Variants in WDPCP observed in about 807,000 individuals in gnomAD.
WDPCP encodes WD repeat-containing and planar cell polarity effector protein fritz homolog.
In WDPCP, 71 loss-of-function variants were observed where a neutral mutation model predicts 93.1. The ratio of observed to expected loss-of-function variants is 0.76; its 90% CI spans 0.63 to 0.93. The LOEUF is 0.93. Among genes scored for constraint, WDPCP ranks in the 40% least tolerant of loss-of-function variants. The pLI is 0.00. For synonymous variants in WDPCP, 315 were observed against 315.0 expected (o/e 1.00, Z 0.00); for missense variants, 844 against 887.4 (o/e 0.95, Z 0.62).
chr2:63,395,866 T>TA (rs1693685513), intron 10 of WDPCP, among the ~76,000 whole-genome samples: 1 of 152,134 alleles, frequency 6.6e-6, no homozygotes, highest in Non-Finnish European at 1.5e-5. Context: ...TAGCTGGGAT[T>TA]ACAGGTATGT....
At chr2:63,771,512 A>G (rs1670225994) in intron 2 of WDPCP, among the ~76,000 whole-genome samples, 1 of 152,028 alleles carries the variant, frequency 6.6e-6, no homozygotes. Flanking sequence ...AAGGGAATAA[A>G]CTAAAAGTGG....
At position 63,404,577 on chromosome 2, in the gene WDPCP, C is replaced by T. The variant is rs981187939; in HGVS notation, c.906G>A (p.Val302=). 6.2e-7 allele frequency: 1 copy of T among 1,613,950 alleles called. No homozygotes were observed. Among genetic ancestry groups the T allele is most frequent in the African/African-American group, 1.3e-5 (1 of 75,028 alleles). The stretch of plus-strand genomic sequence containing the variant: ...CTTTGTCTACACTTACGGAGTGCTC[C>T]ACTGTGAACACCTGATAAGGCTGTT... The part of the protein sequence containing the change: ...GTKQPYQVFT[V]EHSVSVDKEP... Residue 302 remains valine (V), a synonymous_variant, in exon 10 of 18, where the codon GTG becomes GTA. Transcript: ENST00000272321.
intron 13 of WDPCP, among the ~76,000 whole-genome samples, chr2:63,263,216 T>C (rs1401687516): frequency 6.6e-6 from 1 of 152,218 alleles, no homozygotes; most frequent in Non-Finnish European, 1.5e-5. Flanking sequence ...TTTTGATAGA[T>C]TTAGCCTAGG....
intron 2 of WDPCP, among the ~76,000 whole-genome samples, chr2:63,743,802 C>T (rs1210637872): frequency 2.6e-5 from 4 of 152,180 alleles, no homozygotes; most frequent in Non-Finnish European, 4.4e-5. Context: ...TTTATTGCAA[C>T]TTTAATAACA....
At chr2:63,467,955 T>A (rs1396100591) in intron 6 of WDPCP, among the ~76,000 whole-genome samples, 1 of 152,100 alleles carries the variant, frequency 6.6e-6, no homozygotes, top group Non-Finnish European at 1.5e-5. Context: ...TGTATGCCAC[T>A]CAGAACTCCT....
At chr2:63,369,093 A>G (rs1304113376) in intron 12 of WDPCP, 1 of 168,376 alleles carries the variant, frequency 5.9e-6, no homozygotes, top group Non-Finnish European at 1.3e-5. Flanking sequence ...TACATAGTAG[A>G]AAAAAAAAAA....
At chr2:63,192,581 G>T (rs1182812165) in intron 14 of WDPCP, among the ~76,000 whole-genome samples, 1 of 152,186 alleles carries the variant, frequency 6.6e-6, no homozygotes, top group Non-Finnish European at 1.5e-5. Context: ...AGGTTAATTG[G>T]CTTGCTCTAA....
chr2:63,791,569 A>C (rs1250150036), intron 2 of WDPCP, among the ~76,000 whole-genome samples: 1 of 152,172 alleles, frequency 6.6e-6, no homozygotes, highest in Non-Finnish European at 1.5e-5. Context: ...AGCACTGCTT[A>C]CTGCTTGAAT....
chr2:63,576,719 C>A (rs1296139826), intron 1 of WDPCP, among the ~76,000 whole-genome samples: 1 of 152,192 alleles, frequency 6.6e-6, no homozygotes, highest in Admixed American at 6.6e-5. Flanking sequence ...CAACCAGCCC[C>A]CCAATCCTGA....
At chr2:63,483,966 A>G (rs528030459) in intron 6 of WDPCP, among the ~76,000 whole-genome samples, 2 of 152,112 alleles carry the variant, frequency 1.3e-5, no homozygotes, top group Non-Finnish European at 2.9e-5. Context: ...CTATTGTCCA[A>G]TAGAACTGTC....
At chr2:63,291,192 T>C (rs549519043) in intron 13 of WDPCP, among the ~76,000 whole-genome samples, 15 of 56,152 alleles carry the variant, frequency 2.7e-4, no homozygotes, top group African/African-American at 2.1e-3. Flanking sequence ...AGAATTTCTA[T>C]TTTGCTTTTA....
intron 1 of WDPCP, among the ~76,000 whole-genome samples, chr2:63,505,631 G>A (rs1243451080): frequency 6.6e-6 from 1 of 151,876 alleles, no homozygotes; most frequent in Non-Finnish European, 1.5e-5. Flanking sequence ...GAAAATTTGT[G>A]GCAAATAACT....
intron 3 of WDPCP, among the ~76,000 whole-genome samples, chr2:63,603,877 G>A (rs1018395586): frequency 1.3e-4 from 20 of 152,038 alleles, no homozygotes; most frequent in African/African-American, 4.8e-4. Flanking sequence ...GGCTGGTCTC[G>A]AACTGTCAAC....
intron 14 of WDPCP, chr2:63,228,517 GGTGTGCT>G: frequency 6.6e-6 from 1 of 150,768 alleles, no homozygotes. Flanking sequence ...GTGCCATGGT[GGTGTGCT>G]GCACCCATTA....
intron 1 of WDPCP, chr2:63,827,621 C>T (rs1671133620): frequency 6.6e-6 from 1 of 152,162 alleles, no homozygotes; most frequent in Admixed American, 6.6e-5. Context: ...TATTGGCTTA[C>T]ATAATTTAAA....
chr2:63,338,565 AAAAAATATATATATAT>A lies in WDPCP; in HGVS notation c.1749-25270_1749-25255del, dbSNP rs1225665471. 4.7e-3 allele frequency among the ~76,000 whole-genome samples: 189 copies of A among 40,466 alleles called. 10 individuals are homozygous for A. Among genetic ancestry groups the A allele is most frequent in the Middle Eastern group, 0.014 (1 of 72 alleles). The allele number at this position is 40,466 out of a possible 152,430, so 26.5% of individuals were successfully genotyped here. ...AAAACTCCATCTAAAAAAAAAAAAA[AAAAAATATATATATAT>A]ATATATATATATATATATATATATA... On this transcript the variant is annotated intron_variant, in intron 12 of 17. Transcript: ENST00000272321.
intron 12 of WDPCP, among the ~76,000 whole-genome samples, chr2:63,355,705 C>A (rs1289360782): frequency 2.6e-5 from 4 of 151,924 alleles, no homozygotes; most frequent in Non-Finnish European, 5.9e-5. Flanking sequence ...CATGGTGAGA[C>A]CCCCCAACCC....
At chr2:63,324,637 G>A (rs944533492) in intron 12 of WDPCP, among the ~76,000 whole-genome samples, 6 of 152,226 alleles carry the variant, frequency 3.9e-5, no homozygotes, top group Non-Finnish European at 7.3e-5. Flanking sequence ...TGAAAAGAAT[G>A]CAGCTTTAGC....
At chr2:63,509,905 C>A (rs1702119543) in intron 1 of WDPCP, among the ~76,000 whole-genome samples, 1 of 152,096 alleles carries the variant, frequency 6.6e-6, no homozygotes, top group South Asian at 2.1e-4. Context: ...CCTGAACAGA[C>A]CAAAAACAAG....
Sources: gnomAD v4.1 joint callset for allele counts (sites outside exome capture counted in the v4.1 genomes callset) on GRCh38, gnomAD v4.1.1 for gene constraint, MANE v1.5 for transcripts, NCBI Gene and HGNC (gene_info 2026-07-23, HGNC 2026-07-21) for gene names.